The following PTPRN2 variants were observed in gnomAD, a reference collection of about 807,000 sequenced individuals.
PTPRN2 encodes the protein protein tyrosine phosphatase receptor type N2, also known as receptor-type tyrosine-protein phosphatase N2.
In PTPRN2, 74 loss-of-function variants were observed where a neutral mutation model predicts 118.8. That is an observed-to-expected ratio of 0.62 (90% CI 0.52 to 0.76). The LOEUF is 0.76. Among genes scored for constraint, PTPRN2 ranks in the 30% least tolerant of loss-of-function variants. PTPRN2 has a pLI of 0.00. For synonymous variants in PTPRN2, 641 were observed against 608.0 expected (o/e 1.05, Z -0.80); for missense variants, 1,481 against 1,394.4 (o/e 1.06, Z -0.99).
At position 158,240,087 on chromosome 7, in the gene PTPRN2, C is replaced by T. The variant is rs75371845; in HGVS notation, c.278-34814G>A. 9.2e-5 allele frequency among the ~76,000 whole-genome samples: 14 copies of T among 152,272 alleles called. No homozygotes were observed. In the East Asian group the frequency reaches 1.4e-3, roughly 15 times the overall value. ...CACTGGAACCTCCAGGCAGGTCAGA[C>T]GGGCACTTGGGGCTTATGTGCATTA... is the stretch of plus-strand genomic sequence containing the variant. On this transcript the variant is annotated intron_variant, in intron 3 of 22. Transcript: ENST00000389418.
chr7:157,641,049 G>C (rs1035780916), intron 14 of PTPRN2, among the ~76,000 whole-genome samples: 8 of 152,178 alleles, frequency 5.3e-5, no homozygotes, highest in African/African-American at 1.9e-4. Flanking sequence ...TTGATTTCAG[G>C]ATACAAAGAC....
At chr7:158,220,398 T>C (rs1828272717) in intron 3 of PTPRN2, among the ~76,000 whole-genome samples, 1 of 152,076 alleles carries the variant, frequency 6.6e-6, no homozygotes, top group African/African-American at 2.4e-5. Context: ...TCATAGATGA[T>C]ATACTATACA....
intron 11 of PTPRN2, among the ~76,000 whole-genome samples, chr7:158,058,838 C>A (rs1810042508): frequency 8.1e-6 from 1 of 122,906 alleles, no homozygotes; most frequent in Non-Finnish European, 1.7e-5. Flanking sequence ...TCCATCTGCA[C>A]ACGGTGAGAC....
chr7:158,329,443 G>C (rs541664056), intron 2 of PTPRN2, among the ~76,000 whole-genome samples: 1 of 152,320 alleles, frequency 6.6e-6, no homozygotes, highest in African/African-American at 2.4e-5. Context: ...CTGTTAGCAG[G>C]CGGACGGCTG....
chr7:157,675,515 T>C (rs963980739), intron 13 of PTPRN2, among the ~76,000 whole-genome samples: 14 of 137,208 alleles, frequency 1.0e-4, no homozygotes, highest in African/African-American at 3.5e-4. Flanking sequence ...TTTTCTTCTC[T>C]GGAAGTGCAT....
At position 157,671,933 on chromosome 7, in the gene PTPRN2, C is replaced by T. The variant is rs146419304; in HGVS notation, c.2001+10792G>A. On this transcript the variant is annotated intron_variant, in intron 13 of 22. Coordinates refer to ENST00000389418, the MANE Select transcript of PTPRN2 (RefSeq NM_002847.5). This position sits in a 1 kb window ranked among gnomAD's most constrained non-coding sequence, Gnocchi z 4.1. The stretch of plus-strand genomic sequence containing the variant: ...TGTACGGGGAGTTTCTAAAAGTCTA[C>T]GCTGTACCCCAAGAAGGGGACGGGT... Among the ~76,000 whole-genome samples the T allele has an allele frequency of 2.5e-3, 387 of 152,146 alleles. 2 individuals carry two copies. The highest frequency in any genetic ancestry group is 8.8e-3 in the African/African-American group (366 of 41,510).
At chr7:158,270,485 C>A (rs1798237845) in intron 3 of PTPRN2, among the ~76,000 whole-genome samples, 1 of 152,084 alleles carries the variant, frequency 6.6e-6, no homozygotes, top group Non-Finnish European at 1.5e-5. Flanking sequence ...CACTCACTGG[C>A]CATAACGTGC....
At chr7:158,070,407 ACGTGCTCGTGGTGGT>A (rs1329527655) in intron 11 of PTPRN2, among the ~76,000 whole-genome samples, 121 of 97,754 alleles carry the variant, frequency 1.2e-3, no homozygotes, top group South Asian at 6.7e-3. Flanking sequence ...GTGGTGGTGG[ACGTGCTCGTGGTGGT>A]GGTGCTCGTG....
At chr7:158,139,981 A>ACAGGAAGTGCTGGGAGGAACC (rs1554553723) in intron 6 of PTPRN2, among the ~76,000 whole-genome samples, 1 of 116,450 alleles carries the variant, frequency 8.6e-6, no homozygotes, top group African/African-American at 4.0e-5. Flanking sequence ...GGGCCTGCAC[A>ACAGGAAGTGCTGGGAGGAACC]CAGGCTGAAG....
intron 19 of PTPRN2, among the ~76,000 whole-genome samples, chr7:157,576,087 G>GT (rs1800022726): frequency 6.6e-6 from 1 of 152,144 alleles, no homozygotes; most frequent in South Asian, 2.1e-4. Context: ...AACGTATTGG[G>GT]TGACTGGCTG....
At chr7:157,829,858 T>C (rs1401579387) in intron 12 of PTPRN2, among the ~76,000 whole-genome samples, 1 of 152,232 alleles carries the variant, frequency 6.6e-6, no homozygotes, top group African/African-American at 2.4e-5. Flanking sequence ...TGTTTCACCC[T>C]GAATCTCATG....
chr7:158,341,352 G>C (rs1207894747), intron 2 of PTPRN2, among the ~76,000 whole-genome samples: 1 of 146,078 alleles, frequency 6.8e-6, no homozygotes, highest in African/African-American at 2.6e-5. Context: ...CTCACCATAA[G>C]AGGTAACACA....
Position 158,526,282 on chromosome 7 carries a change from C to T in PTPRN2, c.113-36497G>A, listed in dbSNP as rs1019453680. ...GGCCCTCCCTGCCCACCTGTGGCGGCGAAGGGAACTGACACCACTCCTTCC... is the reference window on the plus strand; with the variant it reads ...GGCCCTCCCTGCCCACCTGTGGCGGTGAAGGGAACTGACACCACTCCTTCC... On this transcript the variant is annotated intron_variant, in intron 1 of 22. Coordinates refer to ENST00000389418, the MANE Select transcript of PTPRN2 (RefSeq NM_002847.5). The surrounding 1 kb of genome is among the most constrained non-coding windows in gnomAD (Gnocchi z 5.2). Among the ~76,000 whole-genome samples the T allele has an allele frequency of 6.6e-6, 1 of 152,134 alleles. No homozygotes were observed. The highest frequency in any genetic ancestry group is 1.5e-5 in the Non-Finnish European group (1 of 68,040).
At chr7:158,542,863 GC>G (rs148838611) in intron 1 of PTPRN2, among the ~76,000 whole-genome samples, 4,520 of 152,222 alleles carry the variant, frequency 0.03, 223 homozygotes, top group African/African-American at 0.1. Context: ...CTACGGAACA[GC>G]CAGCCCATTA....
At chr7:157,933,918 G>A (rs1367189565) in intron 11 of PTPRN2, among the ~76,000 whole-genome samples, 1 of 152,076 alleles carries the variant, frequency 6.6e-6, no homozygotes, top group African/African-American at 2.4e-5. Context: ...CAGTTTTAGA[G>A]GAGGGGTGAG....
In PTPRN2 at chr7:157,631,317, C is replaced by A. The variant is rs182600380; in HGVS notation, c.2197-9808G>T. On this transcript the variant is annotated intron_variant, in intron 14 of 22. Transcript: ENST00000389418. ...GAAGGTGAAGTAGCAGCGGCAGGAA[C>A]AAAGCGTAGAAGGGGAAACAACGTG... is the stretch of plus-strand genomic sequence containing the variant. Among the ~76,000 whole-genome samples the A allele has an allele frequency of 2.3e-3, 356 of 152,318 alleles. 1 individual carries two copies. Among genetic ancestry groups the A allele is most frequent in the African/African-American group, 8.3e-3 (343 of 41,560 alleles).
intron 4 of PTPRN2, among the ~76,000 whole-genome samples, chr7:158,194,504 A>C (rs2150713699): frequency 6.6e-6 from 1 of 152,288 alleles, no homozygotes; most frequent in South Asian, 2.1e-4. Flanking sequence ...ATGACCAATC[A>C]CTTCAGGTCC....
intron 2 of PTPRN2, among the ~76,000 whole-genome samples, chr7:158,343,222 T>G (rs1178304368): frequency 6.6e-6 from 1 of 151,960 alleles, no homozygotes; most frequent in Non-Finnish European, 1.5e-5. Flanking sequence ...ACAAAAAACC[T>G]GATTAAAAAC....
intron 11 of PTPRN2, among the ~76,000 whole-genome samples, chr7:157,975,448 T>C (rs6955009): frequency 0.71 from 108,234 of 152,004 alleles, 38,796 homozygotes; most frequent in African/African-American, 0.79. Flanking sequence ...CTTGCTCTCC[T>C]GGGTCAGGCA....
Sources: allele counts gnomAD v4.1 joint callset (sites outside exome capture counted in the v4.1 genomes callset), GRCh38; gene constraint gnomAD v4.1.1; non-coding constraint Gnocchi (gnomAD v3.1); transcripts MANE v1.5; gene names NCBI Gene and HGNC (gene_info 2026-07-23, HGNC 2026-07-21).